Variants in EYS observed in about 807,000 individuals in gnomAD.
EYS encodes the protein protein eyes shut homolog.
In EYS, 250 loss-of-function variants were observed where a neutral mutation model predicts 282.1. The ratio of observed to expected loss-of-function variants is 0.89; its 90% CI spans 0.80 to 0.98. The LOEUF is 0.98. EYS is among the 50% of genes least tolerant of loss of function. EYS has a pLI of 0.00. For missense variants in EYS, 4,016 were observed against 3,709.0 expected, an observed-to-expected ratio of 1.08 and a Z score of -2.15; for synonymous variants, 1,355 against 1,282.9, an observed-to-expected ratio of 1.06 and a Z score of -1.20.
intron 22 of EYS, among the ~76,000 whole-genome samples, chr6:64,742,237 G>T (rs77545753): frequency 0.02 from 3,075 of 152,264 alleles, 91 homozygotes; most frequent in African/African-American, 0.068. Flanking sequence ...AGAAGAGCGA[G>T]TTTGTGGAGT....
At chr6:65,492,740 A>G (rs758588768) in intron 4 of EYS, among the ~76,000 whole-genome samples, 6 of 152,250 alleles carry the variant, frequency 3.9e-5, no homozygotes, top group Middle Eastern at 3.4e-3. Context: ...AACACAGTCA[A>G]ATGAGAATTT....
chr6:64,653,434 A>G (rs1286784175), intron 22 of EYS, among the ~76,000 whole-genome samples: 1 of 152,204 alleles, frequency 6.6e-6, no homozygotes, highest in Non-Finnish European at 1.5e-5. Flanking sequence ...TGTCTCAGTT[A>G]TTGGGAATAT....
chr6:64,163,512 G>T (rs942732591), intron 31 of EYS, among the ~76,000 whole-genome samples: 5 of 151,992 alleles, frequency 3.3e-5, no homozygotes, highest in African/African-American at 1.2e-4. Context: ...TGGTCAATAT[G>T]TAACTATCTA....
intron 12 of EYS, among the ~76,000 whole-genome samples, chr6:65,058,083 G>T (rs953754306): frequency 1.3e-5 from 2 of 152,114 alleles, no homozygotes; most frequent in Admixed American, 1.3e-4. Context: ...AATAAAAAAG[G>T]AACGAAAAGA....
intron 13 of EYS, among the ~76,000 whole-genome samples, chr6:65,040,896 A>G (rs1294429953): frequency 6.6e-6 from 1 of 151,718 alleles, no homozygotes; most frequent in Non-Finnish European, 1.5e-5. Flanking sequence ...TGGCCACAAT[A>G]ACTAAGATGC....
At chr6:64,631,473 C>T (rs1767779751) in intron 22 of EYS, 3 of 152,162 alleles carry the variant, frequency 2.0e-5, no homozygotes, top group South Asian at 4.1e-4. Context: ...CTCCTTTAGG[C>T]CCTCACTATT....
chr6:64,335,455 T>C (rs1770816067), intron 29 of EYS, among the ~76,000 whole-genome samples: 1 of 152,072 alleles, frequency 6.6e-6, no homozygotes, highest in East Asian at 1.9e-4. Context: ...TCTCTCAAGA[T>C]GTAAAGAAAT....
At chr6:63,792,373 A>G (rs1054295683) in intron 37 of EYS, among the ~76,000 whole-genome samples, 3 of 152,072 alleles carry the variant, frequency 2.0e-5, no homozygotes, top group African/African-American at 7.2e-5. Context: ...GAGGAAGAAA[A>G]GCAGTTTACT....
chr6:63,796,021 C>G (rs539832535), intron 37 of EYS, among the ~76,000 whole-genome samples: 1 of 152,132 alleles, frequency 6.6e-6, no homozygotes, highest in Non-Finnish European at 1.5e-5. Flanking sequence ...ACAAGAGTAG[C>G]TAGTGGTTCA....
chr6:64,486,347 C>G (rs571316193), intron 26 of EYS, among the ~76,000 whole-genome samples: 8 of 151,330 alleles, frequency 5.3e-5, no homozygotes, highest in Non-Finnish European at 8.9e-5. Context: ...ACAACTCGCT[C>G]CAGAGTATCT....
intron 12 of EYS, among the ~76,000 whole-genome samples, chr6:65,075,592 T>G (rs2150168453): frequency 6.6e-6 from 1 of 152,120 alleles, no homozygotes; most frequent in East Asian, 1.9e-4. Context: ...AATTCCATGT[T>G]ACAGTGAATT....
At chr6:64,288,174 T>C (rs941646968) in intron 30 of EYS, among the ~76,000 whole-genome samples, 12 of 152,160 alleles carry the variant, frequency 7.9e-5, no homozygotes, top group African/African-American at 2.9e-4. Flanking sequence ...TGACCACTGC[T>C]CTTTTCACTC....
chr6:65,296,153 C>T, intron 11 of EYS, 34 bp from the exon 12 acceptor site: 4 of 1,507,286 alleles, frequency 2.7e-6, no homozygotes, highest in Non-Finnish European at 3.5e-6. Context: ...CCCAATTAGT[C>T]ATATACTTTA....
intron 35 of EYS, among the ~76,000 whole-genome samples, chr6:63,966,029 A>G (rs1260352240): frequency 6.6e-6 from 1 of 152,198 alleles, no homozygotes; most frequent in African/African-American, 2.4e-5. Flanking sequence ...TAGGGGTTGC[A>G]ATGTCTATTT....
At chr6:64,992,188 T>C (rs1425629570) in intron 14 of EYS, among the ~76,000 whole-genome samples, 1 of 151,920 alleles carries the variant, frequency 6.6e-6, no homozygotes, top group Non-Finnish European at 1.5e-5. Context: ...TGCTTATGCA[T>C]ATTTTGACAC....
chr6:65,645,095 T>C (rs1767407178), intron 1 of EYS, among the ~76,000 whole-genome samples: 1 of 151,978 alleles, frequency 6.6e-6, no homozygotes. Context: ...ATAGGGACTT[T>C]AGCACTCCAC....
At chr6:65,575,827 A>T (rs1296540441) in intron 2 of EYS, among the ~76,000 whole-genome samples, 1 of 152,096 alleles carries the variant, frequency 6.6e-6, no homozygotes, top group African/African-American at 2.4e-5. Context: ...ACACCAACAA[A>T]TTGGATAACC....
At chr6:63,886,768 C>T (rs1773271334) in intron 35 of EYS, among the ~76,000 whole-genome samples, 1 of 151,920 alleles carries the variant, frequency 6.6e-6, no homozygotes, top group Admixed American at 6.6e-5. Context: ...GAAAGTGCCC[C>T]CAAAAGCATT....
chr6:65,576,474 A>T (rs1488468778), intron 2 of EYS, among the ~76,000 whole-genome samples: 1 of 151,976 alleles, frequency 6.6e-6, no homozygotes, highest in Non-Finnish European at 1.5e-5. Context: ...CTAACATTAT[A>T]CTAAATGGTA....
Sources: gnomAD v4.1 joint callset for allele counts (sites outside exome capture counted in the v4.1 genomes callset) on GRCh38, gnomAD v4.1.1 for gene constraint, MANE v1.5 for transcripts, NCBI Gene and HGNC (gene_info 2026-07-23, HGNC 2026-07-21) for gene names.